Variants in FRMD4A observed in about 807,000 individuals in gnomAD.
FRMD4A encodes the protein FERM domain-containing protein 4A.
Under a neutral mutation model 129.1 loss-of-function variants are expected in FRMD4A, and 29 were observed. That is an observed-to-expected ratio of 0.22 (90% CI 0.17 to 0.31). The LOEUF (loss-of-function observed/expected upper bound fraction) is 0.31. Ranked by LOEUF, FRMD4A falls within the 10% of genes least tolerant of loss-of-function variation. The pLI, the probability that FRMD4A is intolerant of heterozygous loss-of-function variation, is 1.00. For synonymous variants in FRMD4A, 634 were observed against 571.6 expected, an observed-to-expected ratio of 1.11 and a Z score of -1.56; for missense variants, 1,272 against 1,375.8, an observed-to-expected ratio of 0.92 and a Z score of 1.19.
chr10:14,137,426 T>C (rs1226522443), intron 2 of FRMD4A, among the ~76,000 whole-genome samples: 1 of 152,208 alleles, frequency 6.6e-6, no homozygotes, highest in East Asian at 1.9e-4. Flanking sequence ...AGCTTTGAGT[T>C]GATTTGGTGT....
intron 2 of FRMD4A, among the ~76,000 whole-genome samples, chr10:14,019,925 G>A (rs1029555173): frequency 6.6e-6 from 1 of 152,114 alleles, no homozygotes; most frequent in Admixed American, 6.5e-5. Flanking sequence ...GTGCGTTGTG[G>A]GGCTCCTCAT....
intron 2 of FRMD4A, among the ~76,000 whole-genome samples, chr10:14,064,884 G>A (rs181540501): frequency 1.1e-4 from 16 of 152,122 alleles, no homozygotes; most frequent in Admixed American, 8.5e-4. Context: ...AGCCCTCTCT[G>A]CTTATTTTTA....
intron 2 of FRMD4A, among the ~76,000 whole-genome samples, chr10:14,020,471 C>T (rs1429492713): frequency 1.3e-5 from 2 of 152,302 alleles, no homozygotes; most frequent in South Asian, 2.1e-4. Flanking sequence ...GCTTCTGATG[C>T]AAATATTCTT....
chr10:13,827,860 T>G (rs1173430133), intron 3 of FRMD4A, among the ~76,000 whole-genome samples: 1 of 152,216 alleles, frequency 6.6e-6, no homozygotes, highest in Non-Finnish European at 1.5e-5. Flanking sequence ...TCCTGCCTGC[T>G]TCGGGGAGCC....
At chr10:14,174,051 A>G (rs1841606687) in intron 2 of FRMD4A, among the ~76,000 whole-genome samples, 2 of 152,068 alleles carry the variant, frequency 1.3e-5, no homozygotes, top group South Asian at 4.2e-4. Context: ...CCATGGTGGC[A>G]GAATCCTCAT....
chr10:14,077,052 C>T (rs977471334), intron 2 of FRMD4A, among the ~76,000 whole-genome samples: 5 of 152,072 alleles, frequency 3.3e-5, no homozygotes, highest in Non-Finnish European at 5.9e-5. Context: ...TCACAGAGGT[C>T]CTGGGCCAAG....
At chr10:13,717,644 G>T (rs118058930) in intron 12 of FRMD4A, among the ~76,000 whole-genome samples, 1,572 of 131,972 alleles carry the variant, frequency 0.012, 68 homozygotes, top group South Asian at 0.12. Flanking sequence ...TTTAATCAGG[G>T]TTTGACTACT....
chr10:13,824,894 C>CAAAAA (rs1165591899), intron 3 of FRMD4A, among the ~76,000 whole-genome samples: 1 of 54,832 alleles, frequency 1.8e-5, no homozygotes. Flanking sequence ...GACTCTGTCT[C>CAAAAA]AAAAAAAAAA....
intron 2 of FRMD4A, among the ~76,000 whole-genome samples, chr10:14,009,666 G>A (rs556538563): frequency 6.6e-6 from 1 of 152,244 alleles, no homozygotes; most frequent in Non-Finnish European, 1.5e-5. Flanking sequence ...GGAAACCTGG[G>A]TTCAGCCCTC....
intron 6 of FRMD4A, among the ~76,000 whole-genome samples, chr10:13,776,705 C>A (rs941614822): frequency 6.6e-6 from 1 of 152,142 alleles, no homozygotes; most frequent in African/African-American, 2.4e-5. Flanking sequence ...TTTACCTTGA[C>A]AACTTAGATT....
chr10:13,783,772 G>A (rs1052437134), intron 5 of FRMD4A, among the ~76,000 whole-genome samples: 11 of 152,068 alleles, frequency 7.2e-5, no homozygotes. Flanking sequence ...CTGCACATTC[G>A]GAGAGCTATG....
chr10:14,210,657 G>A (rs79430420), intron 2 of FRMD4A, among the ~76,000 whole-genome samples: 6,783 of 152,238 alleles, frequency 0.045, 245 homozygotes, highest in Non-Finnish European at 0.066. Context: ...GGAGTCAGTC[G>A]TAAGCATCTC....
intron 2 of FRMD4A, among the ~76,000 whole-genome samples, chr10:13,904,090 G>T (rs543173873): frequency 1.3e-5 from 2 of 152,294 alleles, no homozygotes; most frequent in African/African-American, 2.4e-5. Flanking sequence ...CCTGGCATTT[G>T]TTCATCACCA....
At chr10:13,703,848 T>C (rs2087117161) in intron 13 of FRMD4A, among the ~76,000 whole-genome samples, 1 of 151,950 alleles carries the variant, frequency 6.6e-6, no homozygotes, top group East Asian at 1.9e-4. Flanking sequence ...CTACTAAAAA[T>C]AAAAAAATTA....
At position 14,257,279 on chromosome 10, in the gene FRMD4A, C is replaced by T. The variant is rs1290585908; in HGVS notation, c.45+72779G>A. Among the ~76,000 whole-genome samples the T allele has an allele frequency of 1.1e-4, 16 of 152,120 alleles. No homozygotes were observed. The South Asian group carries it at 2.1e-3, about 20-fold the overall frequency. On this transcript the variant is annotated intron_variant, in intron 2 of 24. Coordinates refer to ENST00000357447, the MANE Select transcript of FRMD4A (RefSeq NM_018027.5). ...CCAAGAGGTGGAGGTTGCAGTGAGC[C>T]GAGATCGTGCCACCACACTCCAGCC...
intron 2 of FRMD4A, among the ~76,000 whole-genome samples, chr10:13,962,072 AATGAAT>A (rs2095449286): frequency 7.1e-6 from 1 of 141,508 alleles, no homozygotes; most frequent in Admixed American, 7.2e-5. Flanking sequence ...TGAATGAATG[AATGAAT>A]CTTCATTTAA....
intron 2 of FRMD4A, among the ~76,000 whole-genome samples, chr10:13,903,868 G>C (rs973736064): frequency 6.6e-6 from 1 of 151,768 alleles, no homozygotes; most frequent in East Asian, 1.9e-4. Flanking sequence ...GGGTGACAGC[G>C]ACAGCTTGTC....
At chr10:14,158,365 C>T (rs771216398) in intron 2 of FRMD4A, among the ~76,000 whole-genome samples, 1 of 152,094 alleles carries the variant, frequency 6.6e-6, no homozygotes, top group Non-Finnish European at 1.5e-5. Flanking sequence ...AATCTCAGTG[C>T]TTTGGGAGGC....
At chr10:13,889,972 G>A (rs530406966) in intron 2 of FRMD4A, among the ~76,000 whole-genome samples, 3 of 152,244 alleles carry the variant, frequency 2.0e-5, no homozygotes, top group Non-Finnish European at 4.4e-5. Flanking sequence ...TTTGTCACAC[G>A]ACCCTCATTC....
Sources: gnomAD v4.1 joint callset for allele counts (sites outside exome capture counted in the v4.1 genomes callset) on GRCh38, gnomAD v4.1.1 for gene constraint, MANE v1.5 for transcripts, NCBI Gene and HGNC (gene_info 2026-07-23, HGNC 2026-07-21) for gene names.